The following MED23 variants were observed in gnomAD, a reference collection of about 807,000 sequenced individuals.
The protein encoded by MED23 is mediator of RNA polymerase II transcription subunit 23.
In MED23, 105 loss-of-function variants were observed where a neutral mutation model predicts 163.9. The observed-to-expected ratio is 0.64, with a 90% CI of 0.55 to 0.75. The LOEUF is 0.75. MED23 is among the 30% of genes least tolerant of loss of function. The probability of loss-of-function intolerance (pLI) is 0.00; values close to 1 mark genes in which losing one functional copy is unlikely to be tolerated. For missense variants in MED23, 1,054 were observed against 1,649.0 expected, an observed-to-expected ratio of 0.64 and a Z score of 6.25; for synonymous variants, 561 against 565.6, an observed-to-expected ratio of 0.99 and a Z score of 0.12.
chr6:131,593,717 T>C (rs1376368956), intron 23 of MED23, among the ~76,000 whole-genome samples: 1 of 152,126 alleles, frequency 6.6e-6, no homozygotes, highest in East Asian at 1.9e-4. Context: ...TATCATTTAT[T>C]ATTTACTACA....
chr6:131,620,737 A>G lies in MED23; in HGVS notation c.496-8T>C, dbSNP rs1317519180. 4.5e-6 allele frequency: 7 copies of G among 1,553,914 alleles called. No individual in the cohort carries two copies. The stretch of plus-strand genomic sequence containing the variant: ...CAAGATATATGCTATAACCTAAGAA[A>G]AACAAAAAGGCCACATCATTCTTGA... On this transcript the variant is annotated splice_region_variant and splice_polypyrimidine_tract_variant and intron_variant, in intron 6 of 28. Coordinates refer to ENST00000368068, the MANE Select transcript of MED23 (RefSeq NM_004830.4).
chr6:131,600,134 C>T lies in MED23; in HGVS notation c.2124G>A (p.Gln708=), dbSNP rs777174283. ...TDFFTGSDSI[Q]GTWCKDILQT... is the part of the protein sequence containing the mutation. ...GAAGTATGTCTTTACACCAAGTTCC[C>T]TGAATTGAATCAGAGCCTGTAAAAA... is the stretch of plus-strand genomic sequence containing the variant. The change falls in exon 18 of 29, where the codon CAG becomes CAA. Residue 708 remains glutamine (Q), a synonymous_variant. Coordinates refer to ENST00000368068, the MANE Select transcript of MED23 (RefSeq NM_004830.4). 3 of 1,612,094 alleles carry T rather than the reference C, an allele frequency of 1.9e-6. No individual in the cohort carries two copies. In the Admixed American group the frequency reaches 5.0e-5, roughly 27 times the overall value.
Position 131,600,117 on chromosome 6 carries a change from T to A in MED23, c.2141A>T (p.Asp714Val). 1 of 1,613,114 alleles carries A rather than the reference T, an allele frequency of 6.2e-7. No homozygotes were observed. The highest frequency in any genetic ancestry group is 8.5e-7 in the Non-Finnish European group (1 of 1,179,130). The change falls in exon 18 of 29, where the codon GAC becomes GTC. Residue 714 changes from aspartate (D) to valine (V), a missense_variant. Asp to Val is a radical substitution (Grantham distance 152, BLOSUM62 -3). Transcript: ENST00000368068. Reference protein sequence around the residue: ...SDSIQGTWCKDILQTIMSFTP... With the variant: ...SDSIQGTWCKVILQTIMSFTP... ...GAAACTCATGATGGTCTGAAGTATG[T>A]CTTTACACCAAGTTCCCTGAATTGA...
At chr6:131,623,597 T>C in intron 4 of MED23, 135 bp from the exon 5 acceptor site, 1 of 736,156 alleles carries the variant, frequency 1.4e-6, no homozygotes. Context: ...CCACGTGTCA[T>C]GAGAAAAACC....
intron 27 of MED23, 70 bp from the exon 28 acceptor site, chr6:131,589,666 G>A: frequency 6.8e-7 from 1 of 1,474,588 alleles, no homozygotes; most frequent in Non-Finnish European, 9.5e-7. Flanking sequence ...ATGCAGCTGG[G>A]CTCCATTACA....
chr6:131,583,063 C>T (rs376378819), downstream of MED23: 17 of 1,609,926 alleles, frequency 1.1e-5, no homozygotes, highest in Middle Eastern at 1.6e-4. Flanking sequence ...TTTATAGCTA[C>T]ATTTTGAAAA....
Position 131,579,241 on chromosome 6 carries a change from C to A in MED23, c.4096-4946G>T. On this transcript the variant is annotated intron_variant, in intron 30 of 30. Transcript: ENST00000354577. The stretch of plus-strand genomic sequence containing the variant: ...AGCTGGCTGGCAAGGTGGCAGAAGT[C>A]AAGAAGAACGGAAGAATCAGCCTGG... The A allele has an allele frequency of 6.2e-7, 1 of 1,614,020 alleles. No individual in the cohort carries two copies. Among genetic ancestry groups the A allele is most frequent in the South Asian group, 1.1e-5 (1 of 91,036 alleles).
intron 4 of MED23, among the ~76,000 whole-genome samples, chr6:131,624,523 C>T (rs1777341519): frequency 6.6e-6 from 1 of 152,094 alleles, no homozygotes; most frequent in Admixed American, 6.6e-5. Context: ...TCTCCTAAGC[C>T]GAGTCAACCA....
downstream of MED23, among the ~76,000 whole-genome samples, chr6:131,584,991 C>A (rs1437340893): frequency 7.0e-6 from 1 of 143,686 alleles, no homozygotes; most frequent in African/African-American, 2.5e-5. Flanking sequence ...AGAATGAGAC[C>A]CTGAAAAAAA....
Position 131,600,037 on chromosome 6 carries a change from C to G in MED23, c.2220+1G>C. 6.2e-7 allele frequency: 1 copy of G among 1,613,994 alleles called. No homozygotes were observed. Among genetic ancestry groups the G allele is most frequent in the Non-Finnish European group, 8.5e-7 (1 of 1,179,946 alleles). On this transcript the variant is annotated splice_donor_variant, in intron 18 of 28. Coordinates refer to ENST00000368068, the MANE Select transcript of MED23 (RefSeq NM_004830.4). LOFTEE classifies it high-confidence loss of function. The stretch of plus-strand genomic sequence containing the variant: ...CAATAAGTAATTCAAGACCAAATTA[C>G]CTGTAGTGGGCCTGGAAAACAGCTC...
chr6:131,623,177 C>A (rs76341282), intron 5 of MED23, among the ~76,000 whole-genome samples, 174 bp downstream of exon 5: 1,958 of 152,210 alleles, frequency 0.013, 49 homozygotes, highest in African/African-American at 0.045. Context: ...AGGGGAGTAG[C>A]GGAGCCAGGG....
At position 131,605,258 on chromosome 6, in the gene MED23, G is replaced by C. The variant is rs1260431452; in HGVS notation, c.1595C>G (p.Thr532Arg). Residue 532 changes from threonine to arginine, a missense_variant, in exon 14 of 29, where the codon ACA becomes AGA. Transcript: ENST00000368068. ...AACATACCTCATTTTGGCATGAACTGTCAGTGAATCCAGGAGGTTCATAGG... is the reference window on the plus strand; with the variant it reads ...AACATACCTCATTTTGGCATGAACTCTCAGTGAATCCAGGAGGTTCATAGG... Reference protein sequence around the residue: ...PLPMNLLDSLTVHAKMSLIHS... With the variant: ...PLPMNLLDSLRVHAKMSLIHS... 1.2e-6 allele frequency: 2 copies of C among 1,613,374 alleles called. No homozygotes were observed. The highest frequency in any genetic ancestry group is 1.7e-6 in the Non-Finnish European group (2 of 1,179,614).
downstream of MED23, among the ~76,000 whole-genome samples, chr6:131,586,389 G>A (rs1461694696): frequency 6.8e-6 from 1 of 146,684 alleles, no homozygotes; most frequent in Admixed American, 6.8e-5. Flanking sequence ...GACAGTACGA[G>A]ACTCCGTCTC....
In MED23 at chr6:131,587,534, C is replaced by A; in HGVS notation, c.*145G>T. On this transcript the variant is annotated 3_prime_UTR_variant, in exon 29 of 29. Coordinates refer to ENST00000368068, the MANE Select transcript of MED23 (RefSeq NM_004830.4). ...GGGAGTTATAAGGTGTCAACAGATT[C>A]ATCATTTGAATCAAAATAAAACAAT... The A allele has an allele frequency of 6.6e-7, 1 of 1,503,914 alleles. No homozygotes were observed. Among genetic ancestry groups the A allele is most frequent in the Non-Finnish European group, 8.9e-7 (1 of 1,127,050 alleles). The allele number at this position is 1,503,914 out of a possible 1,614,324, so 93.2% of individuals were successfully genotyped here. A position where few individuals can be genotyped will look rare whatever the true frequency, so the allele number is the denominator to read the frequency against.
chr6:131,616,220 C>G (rs1283038533), intron 9 of MED23, among the ~76,000 whole-genome samples: 1 of 152,060 alleles, frequency 6.6e-6, no homozygotes, highest in Admixed American at 6.5e-5. Flanking sequence ...TGGCTTGCCC[C>G]AAGGTCATAC....
chr6:131,618,123 A>C (rs187867953), intron 9 of MED23, among the ~76,000 whole-genome samples: 1 of 151,848 alleles, frequency 6.6e-6, no homozygotes, highest in Non-Finnish European at 1.5e-5. Flanking sequence ...AAATGTGAGG[A>C]CTTAATCAAG....
At position 131,576,686 on chromosome 6, in the gene MED23, C is replaced by T. The variant is rs2114519204; in HGVS notation, c.4096-2391G>A. ...AGCCACGAGGAGGGGTGGAAGAAGG[C>T]CCTACAGTATTGAGAAAGGCTGGTC... On this transcript the variant is annotated intron_variant, in intron 30 of 30. Coordinates refer to the MED23 transcript ENST00000354577. 7.4e-6 allele frequency: 12 copies of T among 1,613,928 alleles called. No individual in the cohort carries two copies. Among genetic ancestry groups the T allele is most frequent in the Non-Finnish European group, 1.0e-5 (12 of 1,179,942 alleles).
At chr6:131,607,625 CA>C (rs1775955027) in intron 12 of MED23, among the ~76,000 whole-genome samples, 1 of 152,034 alleles carries the variant, frequency 6.6e-6, no homozygotes, top group Middle Eastern at 3.2e-3. Flanking sequence ...ACATTTTACT[CA>C]AATATCTTAT....
At chr6:131,578,307 G>A (rs1271248785) in intron 30 of MED23, among the ~76,000 whole-genome samples, 1 of 151,930 alleles carries the variant, frequency 6.6e-6, no homozygotes, top group Non-Finnish European at 1.5e-5. Flanking sequence ...GAAATTTCTT[G>A]GAGGCGTTAC....
Sources: gnomAD v4.1 joint callset for allele counts (sites outside exome capture counted in the v4.1 genomes callset) on GRCh38, gnomAD v4.1.1 for gene constraint, MANE v1.5 for transcripts, NCBI Gene and HGNC (gene_info 2026-07-23, HGNC 2026-07-21) for gene names.